The following NTRK2 variants were observed in gnomAD, a reference collection of about 807,000 sequenced individuals.
NTRK2 encodes BDNF/NT-3 growth factors receptor.
Under a neutral mutation model 94.5 loss-of-function variants are expected in NTRK2, and 13 were observed. That is an observed-to-expected ratio of 0.14 (90% CI 0.09 to 0.22). The LOEUF (loss-of-function observed/expected upper bound fraction) is 0.22, where lower values mean the gene tolerates loss of function less well. Among genes scored for constraint, NTRK2 ranks in the 10% least tolerant of loss-of-function variants. NTRK2 has a pLI of 1.00. For missense variants in NTRK2, 639 were observed against 1,071.2 expected (o/e 0.60, Z 5.63); for synonymous variants, 372 against 407.4 (o/e 0.91, Z 1.05).
At chr9:84,837,132 TTGAG>T in intron 12 of NTRK2, among the ~76,000 whole-genome samples, 1 of 152,170 alleles carries the variant, frequency 6.6e-6, no homozygotes, top group Middle Eastern at 3.4e-3. Context: ...TGTTATTTTA[TTGAG>T]TGTCTATACC....
In NTRK2 at chr9:84,815,459, C is replaced by T. The variant is rs201478826; in HGVS notation, c.1397-45581C>T. ...AACGCAAATCCTTGAGTTTCACGCA[C>T]TTCATGTTCAACCATTTGCTGTAAT... On this transcript the variant is annotated intron_variant, in intron 12 of 18. Transcript: ENST00000277120. 55 of 1,041,968 alleles carry T rather than the reference C, an allele frequency of 5.3e-5. No homozygotes were observed. The African/African-American group carries it at 9.1e-4, about 17-fold the overall frequency. The allele number at this position is 1,041,968 out of a possible 1,614,324, so 64.5% of individuals were successfully genotyped here.
chr9:84,790,737 G>A (rs2068639413), intron 12 of NTRK2, among the ~76,000 whole-genome samples: 1 of 152,206 alleles, frequency 6.6e-6, no homozygotes, highest in South Asian at 2.1e-4. Flanking sequence ...GCCTTTCTTT[G>A]TGGGAATCTG....
At chr9:84,676,268 G>A (rs1238873719) in intron 2 of NTRK2, among the ~76,000 whole-genome samples, 1 of 152,196 alleles carries the variant, frequency 6.6e-6, no homozygotes, top group Non-Finnish European at 1.5e-5. Flanking sequence ...ACGGAGATAA[G>A]GAAGTGTATA....
chr9:85,025,807 A>C lies in NTRK2; in HGVS notation c.*4370A>C, dbSNP rs548037248. On this transcript the variant is annotated 3_prime_UTR_variant, in exon 19 of 19. Coordinates refer to ENST00000277120, the MANE Select transcript of NTRK2 (RefSeq NM_006180.6). The stretch of plus-strand genomic sequence containing the variant: ...AGTGACCCAACTCTCCAAATGTCTA[A>C]GTTAGTAGTTACAGCTGATTTTTTA... The C allele has an allele frequency of 4.3e-6, 1 of 232,046 alleles. No homozygotes were observed. Among genetic ancestry groups the C allele is most frequent in the Non-Finnish European group, 8.5e-6 (1 of 117,442 alleles). 14.4% of individuals were successfully genotyped at this position (232,046 alleles called of 1,614,324 possible). A position where few individuals can be genotyped will look rare whatever the true frequency, so the allele number is the denominator to read the frequency against.
intron 12 of NTRK2, among the ~76,000 whole-genome samples, chr9:84,801,836 A>T (rs543602625): frequency 6.6e-6 from 1 of 152,356 alleles, no homozygotes; most frequent in Admixed American, 6.5e-5. Flanking sequence ...ATTGTGATGA[A>T]TGAAAGGAAA....
chr9:84,800,464 G>C (rs1194872884), intron 12 of NTRK2, among the ~76,000 whole-genome samples: 1 of 152,198 alleles, frequency 6.6e-6, no homozygotes, highest in Non-Finnish European at 1.5e-5. Context: ...GCCTCCCAAA[G>C]TGCTGGGATT....
At chr9:84,901,528 G>A (rs770185214) in intron 14 of NTRK2, among the ~76,000 whole-genome samples, 4 of 151,956 alleles carry the variant, frequency 2.6e-5, no homozygotes, top group South Asian at 4.1e-4. Flanking sequence ...CACCGCGCCC[G>A]ACCATAATTT....
intron 14 of NTRK2, chr9:84,871,884 A>T: frequency 6.2e-7 from 1 of 1,613,156 alleles, no homozygotes; most frequent in Non-Finnish European, 8.5e-7. Flanking sequence ...TCCATGCCTG[A>T]TGGAGGAGAA....
chr9:84,750,361 A>G lies in NTRK2; in HGVS notation c.1297-1625A>G, dbSNP rs2064478848. ...GACACAAGTCTGAACTAGTCACATG[A>G]ACCACTTAACCACAAGCAAGCCAGG... On this transcript the variant is annotated intron_variant, in intron 11 of 18. Transcript: ENST00000277120. Among the ~76,000 whole-genome samples, 5 of 152,332 alleles carry G rather than the reference A, an allele frequency of 3.3e-5. 1 individual carries two copies. In the South Asian group the frequency reaches 1.0e-3, roughly 32 times the overall value.
At chr9:84,893,237 G>T (rs769251210) in intron 14 of NTRK2, among the ~76,000 whole-genome samples, 9 of 152,106 alleles carry the variant, frequency 5.9e-5, no homozygotes, top group Non-Finnish European at 1.2e-4. Context: ...TTAAACCATA[G>T]ATTCATTTTG....
At chr9:84,958,464 C>A (rs938822496) in intron 17 of NTRK2, among the ~76,000 whole-genome samples, 1 of 152,184 alleles carries the variant, frequency 6.6e-6, no homozygotes, top group Non-Finnish European at 1.5e-5. Context: ...CTGAAATGAT[C>A]GGAAGAATAA....
intron 12 of NTRK2, chr9:84,811,812 C>T: frequency 9.4e-7 from 1 of 1,065,472 alleles, no homozygotes; most frequent in Non-Finnish European, 1.1e-6. Context: ...CCATGGACAC[C>T]TGTTTCATTC....
At chr9:84,726,740 G>A (rs551401644) in intron 8 of NTRK2, among the ~76,000 whole-genome samples, 6 of 152,146 alleles carry the variant, frequency 3.9e-5, no homozygotes, top group Admixed American at 3.9e-4. Context: ...TTGCACTTTG[G>A]TTTCTTCATC....
At chr9:84,859,657 A>G (rs1368703292) in intron 12 of NTRK2, among the ~76,000 whole-genome samples, 3 of 152,254 alleles carry the variant, frequency 2.0e-5, no homozygotes, top group African/African-American at 7.2e-5. Flanking sequence ...AGTGAAAAAA[A>G]CAGGCTTAAA....
chr9:84,770,178 A>ACACACACACACACT (rs1554721793), intron 12 of NTRK2, among the ~76,000 whole-genome samples: 1 of 151,756 alleles, frequency 6.6e-6, no homozygotes, highest in South Asian at 2.1e-4. Context: ...ACACACACAC[A>ACACACACACACACT]CACACACACA....
intron 17 of NTRK2, among the ~76,000 whole-genome samples, chr9:85,018,285 GT>G (rs1832449692): frequency 6.6e-6 from 1 of 152,164 alleles, no homozygotes; most frequent in Non-Finnish European, 1.5e-5. Flanking sequence ...AAACCATATG[GT>G]ACATTCCAAT....
intron 9 of NTRK2, among the ~76,000 whole-genome samples, chr9:84,728,815 T>C (rs2062640911): frequency 6.6e-6 from 1 of 152,172 alleles, no homozygotes; most frequent in South Asian, 2.1e-4. Flanking sequence ...CAGTGTGAGC[T>C]TCAGGAACAG....
chr9:84,785,001 G>A (rs2067981234), intron 12 of NTRK2, among the ~76,000 whole-genome samples: 1 of 152,168 alleles, frequency 6.6e-6, no homozygotes, highest in South Asian at 2.1e-4. Flanking sequence ...CATTTATACA[G>A]TAGAATTCAT....
intron 14 of NTRK2, chr9:84,873,001 T>C: frequency 9.4e-7 from 1 of 1,063,696 alleles, no homozygotes; most frequent in South Asian, 4.6e-5. Context: ...AACATTACTT[T>C]GAGTACACAT....
Sources: allele counts gnomAD v4.1 joint callset (sites outside exome capture counted in the v4.1 genomes callset), GRCh38; gene constraint gnomAD v4.1.1; transcripts MANE v1.5; gene names NCBI Gene and HGNC (gene_info 2026-07-23, HGNC 2026-07-21).